Variants in SCML4 observed in about 807,000 individuals in gnomAD.
The protein encoded by SCML4 is sex comb on midleg-like protein 4.
Under a neutral mutation model 41.1 loss-of-function variants are expected in SCML4, and 34 were observed. The ratio of observed to expected loss-of-function variants is 0.83; its 90% confidence interval spans 0.63 to 1.10. SCML4 has a LOEUF of 1.10. SCML4 is among the 50% of genes least tolerant of loss of function. SCML4 has a pLI of 0.00. For missense variants in SCML4, 522 were observed against 534.1 expected, an observed-to-expected ratio of 0.98 and a Z score of 0.22; for synonymous variants, 214 against 220.9, an observed-to-expected ratio of 0.97 and a Z score of 0.28.
Position 107,707,891 on chromosome 6 carries a change from G to A in SCML4, c.1094C>T (p.Pro365Leu). ...VKDADPQALG[P>L]HVELFRKHEI... ...GTGCTTTCTGAAGAGCTCCACGTGAGGCCCCAGAGCCTGTGGGTCGGCGTC... is the reference window on the plus strand; with the variant it reads ...GTGCTTTCTGAAGAGCTCCACGTGAAGCCCCAGAGCCTGTGGGTCGGCGTC... Residue 365 changes from proline (P) to leucine (L), a missense_variant, in exon 7 of 8, where the codon CCT becomes CTT. Pro to Leu is a moderately conservative substitution (Grantham distance 98, BLOSUM62 -3). Transcript: ENST00000369020. 6.4e-7 allele frequency: 1 copy of A among 1,551,734 alleles called. No homozygotes were observed. The highest frequency in any genetic ancestry group is 8.7e-7 in the Non-Finnish European group (1 of 1,147,006).
At chr6:107,714,434 G>A (rs1774547613) in intron 6 of SCML4, among the ~76,000 whole-genome samples, 1 of 152,100 alleles carries the variant, frequency 6.6e-6, no homozygotes, top group African/African-American at 2.4e-5. Context: ...GACTCCGAAG[G>A]GTAGGCTCAG....
chr6:107,782,265 C>G (rs1246426242), intron 1 of SCML4, among the ~76,000 whole-genome samples: 1 of 152,218 alleles, frequency 6.6e-6, no homozygotes, highest in African/African-American at 2.4e-5. Context: ...TCTACGTATT[C>G]TCTGGGGCCC....
intron 5 of SCML4, among the ~76,000 whole-genome samples, chr6:107,734,912 G>C (rs1422919447): frequency 6.6e-6 from 1 of 152,102 alleles, no homozygotes; most frequent in East Asian, 1.9e-4. Context: ...ATCATGCTCT[G>C]TCACCTAGGC....
intron 2 of SCML4, among the ~76,000 whole-genome samples, chr6:107,759,506 T>C (rs1482205547): frequency 6.6e-6 from 1 of 152,094 alleles, no homozygotes; most frequent in Non-Finnish European, 1.5e-5. Flanking sequence ...AAAGAATTGA[T>C]TGGATTCAGG....
chr6:107,791,335 G>C (rs189496424), intron 1 of SCML4, among the ~76,000 whole-genome samples: 11 of 152,250 alleles, frequency 7.2e-5, no homozygotes, highest in Admixed American at 7.2e-4. Flanking sequence ...TGCAGGAGGG[G>C]TAGAGATAGT....
the SCML4 span, among the ~76,000 whole-genome samples, chr6:107,834,698 C>A: frequency 6.6e-6 from 1 of 152,198 alleles, no homozygotes; most frequent in African/African-American, 2.4e-5. Context: ...GTAATCCCAG[C>A]ACTTTGGGAG....
intron 5 of SCML4, among the ~76,000 whole-genome samples, chr6:107,742,717 A>T (rs1777699502): frequency 6.6e-6 from 1 of 152,220 alleles, no homozygotes; most frequent in South Asian, 2.1e-4. Flanking sequence ...TTCAAATATG[A>T]AGGGTAAATA....
chr6:107,819,983 A>G (rs1349464036), intron 1 of SCML4, among the ~76,000 whole-genome samples: 2 of 152,208 alleles, frequency 1.3e-5, no homozygotes, highest in Non-Finnish European at 2.9e-5. Context: ...TCATCCCAAG[A>G]AGTAAGAGGT....
intron 1 of SCML4, among the ~76,000 whole-genome samples, chr6:107,821,141 G>A (rs1784917058): frequency 2.0e-5 from 3 of 152,058 alleles, no homozygotes; most frequent in Admixed American, 2.0e-4. Context: ...TTGATAAAAG[G>A]GTAATTTTTA....
Position 107,744,966 on chromosome 6 carries a change from T to C in SCML4, c.665A>G (p.Glu222Gly). ...SASEKVQEKEEGRMESVKTVT... is the reference protein window; with the variant it reads ...SASEKVQEKEGGRMESVKTVT... ...AGGCCTACCTGATTCCATCCTCCCTTCCTCTTTCTCCTGGACTTTCTCAGA... is the reference window on the plus strand; with the variant it reads ...AGGCCTACCTGATTCCATCCTCCCTCCCTCTTTCTCCTGGACTTTCTCAGA... Residue 222 changes from glutamate (E) to glycine (G), a missense_variant, in exon 5 of 8, where the codon GAA becomes GGA. Coordinates refer to ENST00000369020, the MANE Select transcript of SCML4 (RefSeq NM_198081.5). 1 of 1,611,450 alleles carries C rather than the reference T, an allele frequency of 6.2e-7. No homozygotes were observed. Among genetic ancestry groups the C allele is most frequent in the South Asian group, 1.1e-5 (1 of 90,552 alleles).
At chr6:107,715,573 C>T (rs533273193) in intron 6 of SCML4, among the ~76,000 whole-genome samples, 12 of 152,252 alleles carry the variant, frequency 7.9e-5, no homozygotes, top group Admixed American at 7.2e-4. Context: ...CTCTTTATAG[C>T]TCTTGGTGAT....
intron 5 of SCML4, among the ~76,000 whole-genome samples, chr6:107,738,786 C>T (rs1309872489): frequency 6.6e-6 from 1 of 152,118 alleles, no homozygotes; most frequent in Non-Finnish European, 1.5e-5. Flanking sequence ...TTGAAGGTAA[C>T]CTGCCCTCCC....
At chr6:107,763,380 G>GC (rs1554214224) in intron 2 of SCML4, among the ~76,000 whole-genome samples, 11 of 139,210 alleles carry the variant, frequency 7.9e-5, no homozygotes, top group Non-Finnish European at 1.6e-4. Flanking sequence ...TCATGTTCTT[G>GC]TTTTTTTTTT....
chr6:107,789,764 G>C (rs897647446), intron 1 of SCML4, among the ~76,000 whole-genome samples: 4 of 152,180 alleles, frequency 2.6e-5, no homozygotes, highest in Non-Finnish European at 4.4e-5. Flanking sequence ...AGCCTTGGTG[G>C]CCTCTCCCCT....
chr6:107,729,048 G>A (rs1191810470), intron 5 of SCML4, among the ~76,000 whole-genome samples: 1 of 152,196 alleles, frequency 6.6e-6, no homozygotes, highest in African/African-American at 2.4e-5. Flanking sequence ...TGGCAGGAAG[G>A]AAAAGGACCT....
chr6:107,742,778 C>T (rs1350753831), intron 5 of SCML4, among the ~76,000 whole-genome samples: 1 of 151,686 alleles, frequency 6.6e-6, no homozygotes, highest in Non-Finnish European at 1.5e-5. Context: ...CCATCACAGG[C>T]ATCTTACAAG....
intron 3 of SCML4, among the ~76,000 whole-genome samples, chr6:107,747,288 A>G (rs1778207936): frequency 1.3e-5 from 2 of 152,176 alleles, no homozygotes; most frequent in South Asian, 4.1e-4. Flanking sequence ...AGTTTTTGCC[A>G]TTTCTTTGTT....
intron 1 of SCML4, among the ~76,000 whole-genome samples, chr6:107,816,065 G>A (rs762150354): frequency 4.6e-5 from 7 of 152,108 alleles, no homozygotes; most frequent in Middle Eastern, 3.2e-3. Context: ...CGGACGCCCC[G>A]GCCACTGCTC....
intron 5 of SCML4, 93 bp downstream of exon 5, chr6:107,744,856 A>G: frequency 1.9e-6 from 2 of 1,063,116 alleles, no homozygotes; most frequent in Non-Finnish European, 2.7e-6. Flanking sequence ...CAGAACTGCC[A>G]GGAGCTACAA....
Sources: gnomAD v4.1 joint callset for allele counts (sites outside exome capture counted in the v4.1 genomes callset) on GRCh38, gnomAD v4.1.1 for gene constraint, MANE v1.5 for transcripts, NCBI Gene and HGNC (gene_info 2026-07-23, HGNC 2026-07-21) for gene names.